PDCD2L: variants seen among roughly 807,000 people sequenced by gnomAD.
PDCD2L encodes uS5 assembly chaperone PDCD2L.
In PDCD2L, 44 loss-of-function variants were observed where a neutral mutation model predicts 40.4. That is an observed-to-expected ratio of 1.09 (90% CI 0.86 to 1.40). The LOEUF is 1.40. PDCD2L is among the 40% of genes most tolerant of loss of function. The probability of loss-of-function intolerance (pLI) is 0.00; values close to 1 mark genes in which losing one functional copy is unlikely to be tolerated. For missense variants in PDCD2L, 470 were observed against 453.7 expected, an observed-to-expected ratio of 1.04 and a Z score of -0.33; for synonymous variants, 194 against 174.6, an observed-to-expected ratio of 1.11 and a Z score of -0.88.
chr19:34,425,333 C>T (rs1238866508), intron 6 of PDCD2L, among the ~76,000 whole-genome samples: 4 of 146,494 alleles, frequency 2.7e-5, no homozygotes, highest in Admixed American at 1.4e-4. Context: ...CAGGGTCTCG[C>T]TCTATCACCC....
intron 5 of PDCD2L, among the ~76,000 whole-genome samples, chr19:34,420,287 G>A (rs1271883891): frequency 2.0e-5 from 3 of 151,096 alleles, no homozygotes; most frequent in East Asian, 1.9e-4. Context: ...CACGGTACCC[G>A]GCCTACCTTG....
At chr19:34,405,852 G>T (rs1159422173) in intron 3 of PDCD2L, among the ~76,000 whole-genome samples, 1 of 152,040 alleles carries the variant, frequency 6.6e-6, no homozygotes, top group Admixed American at 6.6e-5. Context: ...ATTGCAGTGA[G>T]CTGAGATCAT....
At chr19:34,409,731 G>A (rs1248388456) in intron 4 of PDCD2L, among the ~76,000 whole-genome samples, 1 of 152,208 alleles carries the variant, frequency 6.6e-6, no homozygotes, top group African/African-American at 2.4e-5. Flanking sequence ...ACAGAAGTTA[G>A]AGATGGCAAG....
In PDCD2L at chr19:34,411,789, G is replaced by A. The variant is rs2075104469; in HGVS notation, c.687-1948G>A. 2.0e-5 allele frequency among the ~76,000 whole-genome samples: 3 copies of A among 151,562 alleles called. No homozygotes were observed. In the South Asian group the frequency reaches 6.3e-4, roughly 32 times the overall value. ...CCTGCCTCAGCCTCCCAAGTAGCTG[G>A]GATTACAGGTACCCGCCACCACACC... On this transcript the variant is annotated intron_variant, in intron 4 of 6. Transcript: ENST00000246535.
rs567401117 is a variant in PDCD2L at position 34,405,017 on chromosome 19, G to A, written c.336+27G>A. The A allele has an allele frequency of 5.0e-6, 8 of 1,612,696 alleles. No individual in the cohort carries two copies. In the Admixed American group the frequency reaches 1.3e-4, roughly 27 times the overall value. On this transcript the variant is annotated intron_variant, in intron 3 of 6. Transcript: ENST00000246535. ...TAAAGGTTGTGATTGGCATGTTATT[G>A]TTTTTCTGTCATTTGAGGATATTTT...
intron 3 of PDCD2L, 127 bp from the exon 4 acceptor site, chr19:34,409,034 G>A: frequency 1.3e-6 from 1 of 761,160 alleles, no homozygotes; most frequent in Non-Finnish European, 2.2e-6. Flanking sequence ...TGATTGGAGT[G>A]TACCAGAGGG....
intron 3 of PDCD2L, among the ~76,000 whole-genome samples, chr19:34,406,841 T>C (rs1230281208): frequency 2.0e-5 from 3 of 147,138 alleles, no homozygotes; most frequent in Admixed American, 2.0e-4. Context: ...TTTTTTTTTT[T>C]TTTTTTTTGA....
In PDCD2L at chr19:34,419,466, A is replaced by C. The variant is rs74407662; in HGVS notation, c.798-2053A>C. 1.4e-3 allele frequency among the ~76,000 whole-genome samples: 212 copies of C among 149,890 alleles called. 3 individuals carry two copies. The East Asian group carries it at 0.037, about 26-fold the overall frequency. ...CACCGCACCCCACCATGTTGGGTTA[A>C]TTTTATTCTGTTATTGTTTTTTCCT... is the stretch of plus-strand genomic sequence containing the variant. On this transcript the variant is annotated intron_variant, in intron 5 of 6. Coordinates refer to ENST00000246535, the MANE Select transcript of PDCD2L (RefSeq NM_032346.2).
At chr19:34,414,815 A>T (rs1334266268) in intron 5 of PDCD2L, among the ~76,000 whole-genome samples, 2 of 151,292 alleles carry the variant, frequency 1.3e-5, no homozygotes, top group Admixed American at 6.6e-5. Context: ...TTAAAAAAAT[A>T]TTTTTTTAGA....
intron 6 of PDCD2L, among the ~76,000 whole-genome samples, chr19:34,423,477 C>T (rs945987272): frequency 1.3e-5 from 2 of 151,188 alleles, no homozygotes; most frequent in Admixed American, 1.3e-4. Flanking sequence ...AGCCACCGTG[C>T]CTGGACCCAG....
At chr19:34,412,634 C>T (rs887041311) in intron 4 of PDCD2L, among the ~76,000 whole-genome samples, 17 of 151,132 alleles carry the variant, frequency 1.1e-4, no homozygotes, top group Non-Finnish European at 1.0e-4. Flanking sequence ...AGGAGAATTG[C>T]TTGAACCCAG....
Position 34,409,876 on chromosome 19 carries a change from A to T in PDCD2L, c.686+366A>T, listed in dbSNP as rs181384635. 6.2e-4 allele frequency among the ~76,000 whole-genome samples: 94 copies of T among 152,282 alleles called. 1 individual carries two copies. The East Asian group carries it at 0.018, about 28-fold the overall frequency. ...AAGATTGGGGTGAAAAAATGGAAAA[A>T]GGAAAAGAAAAACGCCATTTGTTTA... On this transcript the variant is annotated intron_variant, in intron 4 of 6. Transcript: ENST00000246535.
intron 3 of PDCD2L, among the ~76,000 whole-genome samples, chr19:34,407,198 G>A (rs1323261262): frequency 6.7e-6 from 1 of 150,310 alleles, no homozygotes; most frequent in Admixed American, 6.7e-5. Context: ...CCGGAGTGCA[G>A]TAGCACAATC....
chr19:34,411,771 C>T (rs979694112), intron 4 of PDCD2L, among the ~76,000 whole-genome samples: 2 of 151,574 alleles, frequency 1.3e-5, no homozygotes, highest in African/African-American at 4.8e-5. Flanking sequence ...CCTCCTGCCT[C>T]AGCCTCCCAA....
chr19:34,413,826 C>G lies in PDCD2L; in HGVS notation c.776C>G (p.Ala259Gly). The G allele has an allele frequency of 6.3e-7, 1 of 1,599,274 alleles. No homozygotes were observed. The highest frequency in any genetic ancestry group is 1.1e-5 in the South Asian group (1 of 89,692). Reference sequence around the variant, plus strand: ...TACAAATTCATGAAGCGAATTGCTGCTTGTCAGGAGCAGATTTTGAGGTAA... The same window carrying G: ...TACAAATTCATGAAGCGAATTGCTGGTTGTCAGGAGCAGATTTTGAGGTAA... Reference protein sequence around the residue: ...TFYKFMKRIAACQEQILRYSW... With the variant: ...TFYKFMKRIAGCQEQILRYSW... Residue 259 changes from alanine to glycine, a missense_variant, in exon 5 of 7, where the codon GCT (alanine) becomes GGT (glycine). By Grantham distance (60) the Ala-to-Gly change is moderately conservative. Coordinates refer to ENST00000246535, the MANE Select transcript of PDCD2L (RefSeq NM_032346.2).
chr19:34,425,134 G>A (rs990976727), intron 6 of PDCD2L, among the ~76,000 whole-genome samples: 2 of 151,656 alleles, frequency 1.3e-5, no homozygotes, highest in Non-Finnish European at 2.9e-5. Context: ...CTGCTTTTCT[G>A]TTCTAATATC....
At chr19:34,419,740 T>C (rs1455430531) in intron 5 of PDCD2L, among the ~76,000 whole-genome samples, 1 of 150,572 alleles carries the variant, frequency 6.6e-6, no homozygotes, top group Non-Finnish European at 1.5e-5. Context: ...ATTTTGTTCC[T>C]TTTTTGTCTT....
At chr19:34,417,645 G>T (rs763692347) in intron 5 of PDCD2L, among the ~76,000 whole-genome samples, 31 of 151,542 alleles carry the variant, frequency 2.0e-4, no homozygotes, top group Non-Finnish European at 3.1e-4. Context: ...GAACATAATA[G>T]ACTTGGCTAA....
intron 4 of PDCD2L, among the ~76,000 whole-genome samples, chr19:34,411,852 A>C (rs1359114856): frequency 6.6e-6 from 1 of 150,830 alleles, no homozygotes; most frequent in East Asian, 1.9e-4. Flanking sequence ...ATGGGGCTTC[A>C]CCATGTTGGC....
Sources: gnomAD v4.1 joint callset for allele counts (sites outside exome capture counted in the v4.1 genomes callset) on GRCh38, gnomAD v4.1.1 for gene constraint, MANE v1.5 for transcripts, NCBI Gene and HGNC (gene_info 2026-07-23, HGNC 2026-07-21) for gene names.